The following ERBB4 variants were observed in gnomAD, a reference collection of about 807,000 sequenced individuals.
ERBB4 encodes receptor tyrosine-protein kinase erbB-4.
In ERBB4, 42 loss-of-function variants were observed where a neutral mutation model predicts 158.0. That is an observed-to-expected ratio of 0.27 (90% CI 0.21 to 0.34). ERBB4 has a LOEUF of 0.34. Ranked by LOEUF, ERBB4 falls within the 10% of genes least tolerant of loss-of-function variation. The pLI is 1.00. For missense variants in ERBB4, 1,333 were observed against 1,624.1 expected, an observed-to-expected ratio of 0.82 and a Z score of 3.08; for synonymous variants, 583 against 558.7, an observed-to-expected ratio of 1.04 and a Z score of -0.61.
chr2:211,434,135 TATC>T (rs748454857), intron 20 of ERBB4, among the ~76,000 whole-genome samples: 2 of 152,210 alleles, frequency 1.3e-5, no homozygotes, highest in Non-Finnish European at 2.9e-5. Context: ...TTGAACCAAA[TATC>T]ATTCTAATAA....
At chr2:212,450,961 ACG>A (rs1432634820) in intron 1 of ERBB4, among the ~76,000 whole-genome samples, 1 of 152,138 alleles carries the variant, frequency 6.6e-6, no homozygotes, top group Non-Finnish European at 1.5e-5. Context: ...TCCTACCTTT[ACG>A]AAAAAATAAA....
chr2:211,620,778 G>C (rs545578385), intron 18 of ERBB4, among the ~76,000 whole-genome samples: 7 of 152,066 alleles, frequency 4.6e-5, no homozygotes, highest in Non-Finnish European at 1.0e-4. Context: ...ATTACTTTAT[G>C]AAGACATGGC....
intron 1 of ERBB4, among the ~76,000 whole-genome samples, chr2:212,188,485 G>A (rs1002527364): frequency 6.6e-6 from 1 of 151,604 alleles, no homozygotes; most frequent in Non-Finnish European, 1.5e-5. Context: ...TAACCAGAAT[G>A]CTTTTTAAAA....
intron 20 of ERBB4, among the ~76,000 whole-genome samples, chr2:211,508,451 G>T (rs186964373): frequency 2.0e-5 from 3 of 152,262 alleles, no homozygotes; most frequent in Admixed American, 6.5e-5. Context: ...AGTTAGAATG[G>T]TGATTATTAA....
Position 211,378,193 on chromosome 2 carries a change from G to A in ERBB4, c.*5422C>T. 1 of 233,084 alleles carries A rather than the reference G, an allele frequency of 4.3e-6. No homozygotes were observed. Among genetic ancestry groups the A allele is most frequent in the Non-Finnish European group, 8.5e-6 (1 of 117,650 alleles). 14.4% of individuals were successfully genotyped at this position (233,084 alleles called of 1,614,324 possible). A position where few individuals can be genotyped will look rare whatever the true frequency, so the allele number is the denominator to read the frequency against. On this transcript the variant is annotated 3_prime_UTR_variant, in exon 28 of 28. Coordinates refer to ENST00000342788, the MANE Select transcript of ERBB4 (RefSeq NM_005235.3). ...GTCAGAGAGAAATACATTTTTCTTT[G>A]ATTCCTAACAAGGTAATCACTTACT...
At chr2:211,528,464 C>T (rs969261954) in intron 20 of ERBB4, among the ~76,000 whole-genome samples, 6 of 151,916 alleles carry the variant, frequency 3.9e-5, no homozygotes, top group African/African-American at 1.4e-4. Flanking sequence ...GACAGAAAAT[C>T]AACAAAGAAA....
chr2:212,502,250 A>G (rs1466828274), intron 1 of ERBB4, among the ~76,000 whole-genome samples: 4 of 152,182 alleles, frequency 2.6e-5, no homozygotes, highest in African/African-American at 9.6e-5. Flanking sequence ...AGCTAATGTC[A>G]AATTAAATTA....
chr2:211,627,784 G>A (rs1180727464), intron 17 of ERBB4, among the ~76,000 whole-genome samples: 3 of 152,340 alleles, frequency 2.0e-5, no homozygotes, highest in South Asian at 4.1e-4. Flanking sequence ...TGGAAGTTGA[G>A]AAGGGTCTGG....
At chr2:211,828,427 G>GCCT (rs2077150017) in intron 3 of ERBB4, among the ~76,000 whole-genome samples, 1 of 152,072 alleles carries the variant, frequency 6.6e-6, no homozygotes, top group Non-Finnish European at 1.5e-5. Context: ...CCTGTGGCAT[G>GCCT]CCTCCACATC....
chr2:212,210,015 A>G (rs774451315), intron 1 of ERBB4, among the ~76,000 whole-genome samples: 8 of 152,078 alleles, frequency 5.3e-5, no homozygotes, highest in Non-Finnish European at 1.0e-4. Context: ...CATGGAAAAG[A>G]TAACTTGCTC....
intron 20 of ERBB4, among the ~76,000 whole-genome samples, chr2:211,488,744 A>T (rs1325312112): frequency 6.6e-6 from 1 of 152,110 alleles, no homozygotes; most frequent in Admixed American, 6.6e-5. Flanking sequence ...TCATCTTGCA[A>T]ATAATAAATT....
chr2:211,415,080 G>C (rs953057645), intron 25 of ERBB4, among the ~76,000 whole-genome samples: 1 of 147,486 alleles, frequency 6.8e-6, no homozygotes, highest in Admixed American at 6.8e-5. Flanking sequence ...GAAATACTAA[G>C]GCAAATCCCA....
intron 1 of ERBB4, among the ~76,000 whole-genome samples, chr2:212,376,005 G>A (rs1312447610): frequency 6.6e-6 from 1 of 152,052 alleles, no homozygotes; most frequent in Non-Finnish European, 1.5e-5. Flanking sequence ...ATCAATTTGT[G>A]AGAAAAATAA....
rs541320917 is a variant in ERBB4, at chr2:212,057,861, A to G, written c.234+66891T>C. Among the ~76,000 whole-genome samples, 87 of 152,328 alleles carry G rather than the reference A, an allele frequency of 5.7e-4. 2 individuals are homozygous for G. The highest frequency in any genetic ancestry group is 9.8e-4 in the Admixed American group (15 of 15,296). ...CTAAAATTGACACCCTAACATCACA[A>G]TTAAAAGAACTGGAGAAGCAAGAGC... On this transcript the variant is annotated intron_variant, in intron 2 of 27. Coordinates refer to ENST00000342788, the MANE Select transcript of ERBB4 (RefSeq NM_005235.3).
intron 20 of ERBB4, among the ~76,000 whole-genome samples, chr2:211,535,186 A>G (rs114534290): frequency 0.024 from 3,678 of 152,112 alleles, 143 homozygotes; most frequent in African/African-American, 0.083. Context: ...TGGCTTAATA[A>G]AAGATGTGGA....
chr2:212,413,930 A>G (rs1206789288), intron 1 of ERBB4, among the ~76,000 whole-genome samples: 3 of 152,306 alleles, frequency 2.0e-5, no homozygotes, highest in Non-Finnish European at 4.4e-5. Flanking sequence ...GAAATCAGGT[A>G]TATTTACTTA....
At chr2:211,798,077 A>G (rs1299533556) in intron 3 of ERBB4, among the ~76,000 whole-genome samples, 2 of 152,024 alleles carry the variant, frequency 1.3e-5, no homozygotes, top group Non-Finnish European at 2.9e-5. Context: ...ATCTGTATCA[A>G]GCAGCCGCCA....
intron 19 of ERBB4, among the ~76,000 whole-genome samples, chr2:211,573,082 T>G (rs983505635): frequency 1.3e-5 from 2 of 152,200 alleles, no homozygotes; most frequent in Non-Finnish European, 2.9e-5. Context: ...TTAGGAGATC[T>G]TCCTTGATTA....
Position 212,064,988 on chromosome 2 carries a change from G to GGTGTGT in ERBB4, c.234+59758_234+59763dup, listed in dbSNP as rs34396660. ...TCCACCACCATAACAACATCTTTAT[G>GGTGTGT]GTGTGTGTGTGTGTGTGTGTGTGTG... On this transcript the variant is annotated intron_variant, in intron 2 of 27. Transcript: ENST00000342788. Among the ~76,000 whole-genome samples, 847 of 143,378 alleles carry GGTGTGT rather than the reference G, an allele frequency of 5.9e-3. 8 individuals are homozygous for GGTGTGT. The highest frequency in any genetic ancestry group is 0.02 in the African/African-American group (769 of 38,660). 94.1% of individuals were successfully genotyped at this position (143,378 alleles called of 152,430 possible). A position where few individuals can be genotyped will look rare whatever the true frequency, so the allele number is the denominator to read the frequency against.
Sources: gnomAD v4.1 joint callset for allele counts (sites outside exome capture counted in the v4.1 genomes callset) on GRCh38, gnomAD v4.1.1 for gene constraint, MANE v1.5 for transcripts, NCBI Gene and HGNC (gene_info 2026-07-23, HGNC 2026-07-21) for gene names.